The following GLIS3 variants were observed in gnomAD, a reference collection of about 807,000 sequenced individuals.
The protein encoded by GLIS3 is zinc finger protein GLIS3.
In GLIS3, 53 loss-of-function variants were observed where a neutral mutation model predicts 78.6. The ratio of observed to expected loss-of-function variants is 0.67; its 90% CI spans 0.54 to 0.85. The LOEUF (loss-of-function observed/expected upper bound fraction) is 0.85. Among genes scored for constraint, GLIS3 ranks in the 40% least tolerant of loss-of-function variants. GLIS3 has a pLI of 0.00. For synonymous variants in GLIS3, 684 were observed against 509.9 expected, an observed-to-expected ratio of 1.34 and a Z score of -4.60; for missense variants, 1,703 against 1,231.1, an observed-to-expected ratio of 1.38 and a Z score of -5.74.
the GLIS3 span, among the ~76,000 whole-genome samples, chr9:4,367,831 C>T: frequency 6.6e-6 from 1 of 152,078 alleles, no homozygotes; most frequent in Non-Finnish European, 1.5e-5. Flanking sequence ...AGGTTTTAGG[C>T]TAGGTACTCA....
intron 2 of GLIS3, among the ~76,000 whole-genome samples, chr9:4,197,300 C>T (rs769947085): frequency 6.6e-6 from 1 of 152,188 alleles, no homozygotes; most frequent in Non-Finnish European, 1.5e-5. Context: ...CATCTCCAGA[C>T]ATTTGGAGCA....
chr9:3,976,280 A>T (rs771782003), intron 4 of GLIS3, among the ~76,000 whole-genome samples: 4 of 152,250 alleles, frequency 2.6e-5, no homozygotes, highest in Admixed American at 1.3e-4. Context: ...CCTTCCATAC[A>T]TCTTTAAAAG....
At chr9:4,382,063 A>G in the GLIS3 span, among the ~76,000 whole-genome samples, 2 of 152,158 alleles carry the variant, frequency 1.3e-5, no homozygotes, top group Admixed American at 1.3e-4. Flanking sequence ...TACAGATACT[A>G]ATCTCGGAAT....
At chr9:4,076,909 A>T (rs1828113019) in intron 4 of GLIS3, among the ~76,000 whole-genome samples, 1 of 152,180 alleles carries the variant, frequency 6.6e-6, no homozygotes, top group Non-Finnish European at 1.5e-5. Context: ...AAATATAAAA[A>T]TTAGCCATGC....
chr9:3,978,023 G>C (rs1474347344), intron 4 of GLIS3, among the ~76,000 whole-genome samples: 1 of 152,204 alleles, frequency 6.6e-6, no homozygotes, highest in Admixed American at 6.5e-5. Context: ...GGTCTTGGTT[G>C]AGTACTGACA....
chr9:4,416,414 G>A, the GLIS3 span, among the ~76,000 whole-genome samples: 1 of 151,928 alleles, frequency 6.6e-6, no homozygotes, highest in East Asian at 1.9e-4. Flanking sequence ...CAGTAATATT[G>A]CTATGTAGTA....
chr9:4,470,697 A>G, the GLIS3 span, among the ~76,000 whole-genome samples: 2 of 151,988 alleles, frequency 1.3e-5, no homozygotes, highest in Admixed American at 1.3e-4. Flanking sequence ...CTGGCACAAG[A>G]CAGGGATGCC....
At chr9:4,211,979 G>A (rs1257396823) in intron 2 of GLIS3, among the ~76,000 whole-genome samples, 1 of 152,214 alleles carries the variant, frequency 6.6e-6, no homozygotes, top group Non-Finnish European at 1.5e-5. Flanking sequence ...CAAATCCATA[G>A]AGACAGAAAG....
chr9:4,463,350 T>C, the GLIS3 span, among the ~76,000 whole-genome samples: 69 of 152,270 alleles, frequency 4.5e-4, no homozygotes, highest in African/African-American at 1.2e-3. Flanking sequence ...CATTAAACTA[T>C]TCTTAAACTT....
intron 4 of GLIS3, among the ~76,000 whole-genome samples, chr9:4,109,465 G>C (rs1053914919): frequency 6.6e-6 from 1 of 152,140 alleles, no homozygotes; most frequent in Non-Finnish European, 1.5e-5. Context: ...TGTTTCCCTA[G>C]CTGATCACTT....
At chr9:4,382,406 T>G in the GLIS3 span, among the ~76,000 whole-genome samples, 2 of 151,958 alleles carry the variant, frequency 1.3e-5, no homozygotes, top group Non-Finnish European at 2.9e-5. Flanking sequence ...TTATACTACC[T>G]TATTACTGTG....
chr9:4,267,127 GC>G (rs1348615607), intron 2 of GLIS3, among the ~76,000 whole-genome samples: 1 of 151,998 alleles, frequency 6.6e-6, no homozygotes, highest in East Asian at 1.9e-4. Flanking sequence ...TGTACCCCCT[GC>G]AGACACCCAC....
At chr9:3,848,572 G>A (rs998527524) in intron 9 of GLIS3, among the ~76,000 whole-genome samples, 3 of 152,288 alleles carry the variant, frequency 2.0e-5, no homozygotes, top group East Asian at 1.9e-4. Flanking sequence ...TGGCAGCAGC[G>A]AAATCAGTCA....
At chr9:4,055,424 T>A (rs984205175) in intron 4 of GLIS3, among the ~76,000 whole-genome samples, 1 of 152,160 alleles carries the variant, frequency 6.6e-6, no homozygotes, top group Admixed American at 6.5e-5. Context: ...TCTTTCCATA[T>A]GCCAAGTTCA....
At chr9:4,184,297 T>C (rs4741906) in intron 2 of GLIS3, among the ~76,000 whole-genome samples, 41,988 of 152,124 alleles carry the variant, frequency 0.28, 6,992 homozygotes, top group South Asian at 0.53. Flanking sequence ...TGAAGATATG[T>C]GACTGCACAA....
chr9:3,872,797 G>A (rs912178440), intron 8 of GLIS3, among the ~76,000 whole-genome samples: 2 of 152,260 alleles, frequency 1.3e-5, no homozygotes, highest in South Asian at 2.1e-4. Flanking sequence ...AGGGAAGTTT[G>A]TAGCAATAAA....
At chr9:3,851,685 C>T (rs1328694125) in intron 9 of GLIS3, among the ~76,000 whole-genome samples, 1 of 81,028 alleles carries the variant, frequency 1.2e-5, no homozygotes, top group African/African-American at 2.8e-5. Flanking sequence ...TGGATCTCAT[C>T]TTCTTCATTT....
intron 2 of GLIS3, among the ~76,000 whole-genome samples, chr9:4,276,244 G>C (rs1179885358): frequency 6.7e-6 from 1 of 148,726 alleles, no homozygotes. Flanking sequence ...GATAGTGCCA[G>C]TGCACTGGGC....
At chr9:4,376,663 T>C in the GLIS3 span, among the ~76,000 whole-genome samples, 5 of 134,268 alleles carry the variant, frequency 3.7e-5, 2 homozygotes, top group Non-Finnish European at 8.4e-5. Context: ...AATATAACTT[T>C]TTCACCCTGA....
Sources: allele counts gnomAD v4.1 joint callset (sites outside exome capture counted in the v4.1 genomes callset), GRCh38; gene constraint gnomAD v4.1.1; transcripts MANE v1.5; gene names NCBI Gene and HGNC (gene_info 2026-07-23, HGNC 2026-07-21).